ASXL1: variants seen among roughly 807,000 people sequenced by gnomAD.
The protein encoded by ASXL1 is polycomb group protein ASXL1.
Under a neutral mutation model 89.1 loss-of-function variants are expected in ASXL1, and 65 were observed. That is an observed-to-expected ratio of 0.73 (90% confidence interval 0.60 to 0.90). The LOEUF (loss-of-function observed/expected upper bound fraction) is 0.90, where lower values mean the gene tolerates loss of function less well. Among genes scored for constraint, ASXL1 ranks in the 40% least tolerant of loss-of-function variants. The pLI is 0.00. For synonymous variants in ASXL1, 739 were observed against 746.9 expected, an observed-to-expected ratio of 0.99 and a Z score of 0.17; for missense variants, 1,786 against 1,942.9, an observed-to-expected ratio of 0.92 and a Z score of 1.52.
At chr20:32,396,656 T>C (rs1413262313) in intron 4 of ASXL1, among the ~76,000 whole-genome samples, 1 of 152,244 alleles carries the variant, frequency 6.6e-6, no homozygotes, top group Non-Finnish European at 1.5e-5. Flanking sequence ...TACAGACTAC[T>C]GTCAGAATAA....
intron 4 of ASXL1, among the ~76,000 whole-genome samples, chr20:32,407,367 T>C (rs2048973329): frequency 6.6e-6 from 1 of 151,962 alleles, no homozygotes; most frequent in African/African-American, 2.4e-5. Flanking sequence ...AGAATTGAAA[T>C]ATATGTATAC....
intron 4 of ASXL1, among the ~76,000 whole-genome samples, chr20:32,395,543 A>G (rs565173073): frequency 2.0e-5 from 3 of 152,244 alleles, no homozygotes; most frequent in African/African-American, 7.2e-5. Flanking sequence ...CATGGATGAA[A>G]TTTACGTATT....
intron 4 of ASXL1, among the ~76,000 whole-genome samples, chr20:32,423,654 G>A (rs2011198453): frequency 6.6e-6 from 1 of 152,062 alleles, no homozygotes; most frequent in Admixed American, 6.5e-5. Flanking sequence ...GGGTTCAAGC[G>A]ATCCTCCTGC....
intron 4 of ASXL1, among the ~76,000 whole-genome samples, chr20:32,390,078 G>A (rs1196771681): frequency 6.6e-6 from 1 of 152,142 alleles, no homozygotes; most frequent in Non-Finnish European, 1.5e-5. Flanking sequence ...AAAATATTAA[G>A]TTGAAAATGC....
In ASXL1 at chr20:32,410,222, A is replaced by C. The variant is rs182059871; in HGVS notation, c.253-17906A>C. On this transcript the variant is annotated intron_variant, in intron 4 of 12. Coordinates refer to ENST00000375687, the MANE Select transcript of ASXL1 (RefSeq NM_015338.6). ...ATGTTTCAAGACCAGTGGGTGCCTG[A>C]AATTACAGATAGTCCCAAGCCCTAT... Among the ~76,000 whole-genome samples, 829 of 152,320 alleles carry C rather than the reference A, an allele frequency of 5.4e-3. 5 individuals are homozygous for C. Among genetic ancestry groups the C allele is most frequent in the Non-Finnish European group, 6.9e-3 (472 of 68,018 alleles).
At chr20:32,374,302 A>C (rs954460418) in intron 4 of ASXL1, among the ~76,000 whole-genome samples, 1 of 151,590 alleles carries the variant, frequency 6.6e-6, no homozygotes, top group Non-Finnish European at 1.5e-5. Context: ...CCAGTTTTTT[A>C]TTTTTAGATA....
At chr20:32,368,691 A>G (rs1421472472) in intron 3 of ASXL1, among the ~76,000 whole-genome samples, 1 of 152,228 alleles carries the variant, frequency 6.6e-6, no homozygotes, top group Non-Finnish European at 1.5e-5. Context: ...AAATTTATTA[A>G]CTTATTAAAA....
intron 4 of ASXL1, among the ~76,000 whole-genome samples, chr20:32,416,880 TCATGA>T (rs1338067567): frequency 6.6e-6 from 1 of 152,252 alleles, no homozygotes; most frequent in Non-Finnish European, 1.5e-5. Context: ...TTTGTTACGA[TCATGA>T]CATCAAGTTT....
At chr20:32,392,584 A>G (rs890868962) in intron 4 of ASXL1, among the ~76,000 whole-genome samples, 2 of 149,178 alleles carry the variant, frequency 1.3e-5, no homozygotes, top group Non-Finnish European at 3.0e-5. Context: ...CTGTGCTGGG[A>G]GGCTGAGGCG....
chr20:32,372,477 C>T (rs2048314223), intron 4 of ASXL1: 1 of 944,826 alleles, frequency 1.1e-6, no homozygotes. Flanking sequence ...TCCTTGAGAG[C>T]AGAGTCTGTA....
chr20:32,434,088 C>T (rs988676890), intron 12 of ASXL1, 171 bp downstream of exon 12: 4 of 974,618 alleles, frequency 4.1e-6, no homozygotes, highest in Non-Finnish European at 6.0e-6. Context: ...AGGTTCTTTT[C>T]TTCCTCACTT....
chr20:32,426,599 C>T (rs540893253), intron 4 of ASXL1, among the ~76,000 whole-genome samples: 75 of 112,622 alleles, frequency 6.7e-4, no homozygotes, highest in Admixed American at 1.0e-3. Flanking sequence ...CTTGCTCTGT[C>T]GCCAGGCTGG....
chr20:32,428,345 T>G lies in ASXL1; in HGVS notation c.394T>G (p.Ser132Ala). 6.2e-7 allele frequency: 1 copy of G among 1,614,194 alleles called. No individual in the cohort carries two copies. Among genetic ancestry groups the G allele is most frequent in the Non-Finnish European group, 8.5e-7 (1 of 1,180,028 alleles). Residue 132 changes from serine to alanine, a missense_variant, in exon 6 of 13, where the codon TCG becomes GCG. By Grantham distance (99) the Ser-to-Ala change is moderately conservative. Transcript: ENST00000375687. Reference sequence around the variant, plus strand: ...TCCAGTATCTCTTGATGAAACATCTTCGAACGCATCCTGTTCTACAGAATC... The same window carrying G: ...TCCAGTATCTCTTGATGAAACATCTGCGAACGCATCCTGTTCTACAGAATC... ...ENDVSLDETS[S>A]NASCSTESQS...
chr20:32,371,745 A>G (rs2048304608), intron 4 of ASXL1: 1 of 446,716 alleles, frequency 2.2e-6, no homozygotes, highest in South Asian at 1.6e-5. Flanking sequence ...AGCGTACACC[A>G]TCACCCCAGC....
At chr20:32,428,565 C>T (rs977006433) in intron 6 of ASXL1, 143 bp downstream of exon 6, 3 of 726,148 alleles carry the variant, frequency 4.1e-6, no homozygotes, top group Non-Finnish European at 7.1e-6. Context: ...TAGCATTTAA[C>T]AGGGGGCCGC....
At chr20:32,366,530 A>T (rs1158526630) in intron 2 of ASXL1, 64 bp downstream of exon 2, 17 of 1,611,946 alleles carry the variant, frequency 1.1e-5, no homozygotes, top group Middle Eastern at 1.6e-4. Context: ...CTGTAGTTGT[A>T]GTGATATGAG....
At chr20:32,426,536 G>GTTTTTT (rs1353657083) in intron 4 of ASXL1, among the ~76,000 whole-genome samples, 1 of 98,790 alleles carries the variant, frequency 1.0e-5, no homozygotes, top group Non-Finnish European at 2.3e-5. Flanking sequence ...GTAGAAAACT[G>GTTTTTT]TTTTCTTTTT....
chr20:32,386,789 CTTT>C (rs11445027), intron 4 of ASXL1, among the ~76,000 whole-genome samples: 7 of 129,640 alleles, frequency 5.4e-5, no homozygotes, highest in African/African-American at 5.8e-5. Flanking sequence ...CTCTCTCTCT[CTTT>C]TTTTTTTTTT....
intron 3 of ASXL1, among the ~76,000 whole-genome samples, chr20:32,368,335 A>G (rs1352055397): frequency 6.6e-6 from 1 of 152,196 alleles, no homozygotes; most frequent in Admixed American, 6.6e-5. Flanking sequence ...GGCAGGGACC[A>G]TGAAACAACT....
Sources: allele counts gnomAD v4.1 joint callset (sites outside exome capture counted in the v4.1 genomes callset), GRCh38; gene constraint gnomAD v4.1.1; transcripts MANE v1.5; gene names NCBI Gene and HGNC (gene_info 2026-07-23, HGNC 2026-07-21).